Variants in IL1RAPL1 observed in about 807,000 individuals in gnomAD.
IL1RAPL1 encodes interleukin 1 receptor accessory protein like 1.
In IL1RAPL1, 3 loss-of-function variants were observed where a neutral mutation model predicts 48.4. The ratio of observed to expected loss-of-function variants is 0.06; its 90% CI spans 0.03 to 0.16. The LOEUF (loss-of-function observed/expected upper bound fraction) is 0.16. Ranked by LOEUF, IL1RAPL1 falls within the 10% of genes least tolerant of loss-of-function variation. The pLI, the probability that IL1RAPL1 is intolerant of heterozygous loss-of-function variation, is 1.00. For missense variants in IL1RAPL1, 349 were observed against 530.6 expected (o/e 0.66, Z 3.36); for synonymous variants, 185 against 187.7 (o/e 0.99, Z 0.12).
intron 2 of IL1RAPL1, among the ~76,000 whole-genome samples, chrX:28,863,685 G>A (rs181887654): frequency 9.0e-6 from 1 of 111,420 alleles, no homozygotes; most frequent in East Asian, 2.8e-4. Context: ...ACTATACCTA[G>A]ATTTCAATTT....
chrX:28,889,222 T>G (rs1320669638), intron 2 of IL1RAPL1, among the ~76,000 whole-genome samples: 1 of 111,470 alleles, frequency 9.0e-6, no homozygotes, highest in Non-Finnish European at 1.9e-5. Flanking sequence ...TGCCTATACA[T>G]ATTAGACTAT....
intron 8 of IL1RAPL1, among the ~76,000 whole-genome samples, chrX:29,934,558 A>G (rs1261301867): frequency 1.8e-5 from 2 of 112,403 alleles, no homozygotes; most frequent in Non-Finnish European, 3.8e-5. Context: ...TGCAGATATT[A>G]TAGAAAATTA....
At chrX:29,055,751 CAT>C (rs1927199339) in intron 2 of IL1RAPL1, among the ~76,000 whole-genome samples, 1 of 111,663 alleles carries the variant, frequency 9.0e-6, no homozygotes, top group South Asian at 3.7e-4. Flanking sequence ...TGACATGAAA[CAT>C]ACATTAAATT....
chrX:29,806,227 G>A (rs1930253079), intron 6 of IL1RAPL1, among the ~76,000 whole-genome samples: 1 of 111,090 alleles, frequency 9.0e-6, no homozygotes, highest in African/African-American at 3.3e-5. Context: ...GTGCACGCGT[G>A]CACACACACA....
chrX:29,216,699 G>T (rs969063961), intron 2 of IL1RAPL1, among the ~76,000 whole-genome samples: 1 of 111,705 alleles, frequency 9.0e-6, no homozygotes, highest in Non-Finnish European at 1.9e-5. Flanking sequence ...GGGTGGCAAA[G>T]GTTAAGATTT....
At chrX:28,633,091 G>T (rs1030782256) in intron 1 of IL1RAPL1, among the ~76,000 whole-genome samples, 2 of 110,543 alleles carry the variant, frequency 1.8e-5, no homozygotes, top group Non-Finnish European at 3.8e-5. Flanking sequence ...TTTTCGCCAT[G>T]TTGGCCAGAA....
rs192790474 is a variant in IL1RAPL1 at position 29,803,347 on chromosome X, A to G, written c.779-114117A>G. On this transcript the variant is annotated intron_variant, in intron 6 of 10. Coordinates refer to ENST00000378993, the MANE Select transcript of IL1RAPL1 (RefSeq NM_014271.4). Reference sequence around the variant, plus strand: ...TATACATGTATACACATATGTATATATGTATACATGTATACACATATGTAT... The same window carrying G: ...TATACATGTATACACATATGTATATGTGTATACATGTATACACATATGTAT... Among the ~76,000 whole-genome samples, 184 of 72,932 alleles carry G rather than the reference A, an allele frequency of 2.5e-3. 2 individuals carry two copies. The highest frequency in any genetic ancestry group is 3.4e-3 in the Non-Finnish European group (123 of 36,185). The allele number at this position is 72,932 out of a possible 115,157, so 63.3% of individuals were successfully genotyped here.
At chrX:28,861,353 G>A (rs1350617934) in intron 2 of IL1RAPL1, among the ~76,000 whole-genome samples, 1 of 112,061 alleles carries the variant, frequency 8.9e-6, no homozygotes, top group African/African-American at 3.2e-5. Context: ...GACTGTCCCA[G>A]TAGTTACAAG....
Position 29,463,927 on chromosome X carries a change from C to T in IL1RAPL1, c.703+64619C>T, listed in dbSNP as rs184793607. Among the ~76,000 whole-genome samples, 23 of 111,397 alleles carry T rather than the reference C, an allele frequency of 2.1e-4. No homozygotes were observed. The East Asian group carries it at 4.5e-3, about 22-fold the overall frequency. ...CCGACACTACCGACCAACAGTTAGC[C>T]TCCACTTCCAGCCCTGTGAGTGAGT... On this transcript the variant is annotated intron_variant, in intron 5 of 10. Coordinates refer to ENST00000378993, the MANE Select transcript of IL1RAPL1 (RefSeq NM_014271.4).
chrX:29,437,527 C>T (rs959920584), intron 5 of IL1RAPL1, among the ~76,000 whole-genome samples: 4 of 110,587 alleles, frequency 3.6e-5, no homozygotes, highest in African/African-American at 1.3e-4. Flanking sequence ...TGCTCTTTCA[C>T]CATTAAATAG....
intron 6 of IL1RAPL1, among the ~76,000 whole-genome samples, chrX:29,736,883 A>C (rs1432126631): frequency 8.9e-6 from 1 of 111,864 alleles, no homozygotes; most frequent in Non-Finnish European, 1.9e-5. Context: ...TGCTTAAAAA[A>C]TATGCACGTA....
In IL1RAPL1 at chrX:29,733,588, A is replaced by C. The variant is rs765124768; in HGVS notation, c.778+65084A>C. On this transcript the variant is annotated intron_variant, in intron 6 of 10. Transcript: ENST00000378993. ...CAGCAAATAACCTGCAGCTTTATTT[A>C]ATACAAATCAGATCATATTAAATAT... 4.4e-5 allele frequency among the ~76,000 whole-genome samples: 5 copies of C among 112,430 alleles called. No homozygotes were observed. In the South Asian group the frequency reaches 1.1e-3, roughly 25 times the overall value.
At chrX:29,180,470 G>A (rs911926731) in intron 2 of IL1RAPL1, among the ~76,000 whole-genome samples, 3 of 109,259 alleles carry the variant, frequency 2.7e-5, no homozygotes, top group South Asian at 4.1e-4. Flanking sequence ...TCCACCTCCC[G>A]GGTTCAAGCA....
intron 2 of IL1RAPL1, among the ~76,000 whole-genome samples, chrX:29,213,357 T>C (rs1159862973): frequency 3.6e-5 from 4 of 112,633 alleles, no homozygotes; most frequent in African/African-American, 1.3e-4. Flanking sequence ...ATCTCTTGTC[T>C]CAATTACTGC....
Position 29,644,116 on chromosome X carries a change from C to T in IL1RAPL1, c.704-24314C>T, listed in dbSNP as rs573369953. On this transcript the variant is annotated intron_variant, in intron 5 of 10. Transcript: ENST00000378993. Reference sequence around the variant, plus strand: ...CTGACTCTAAAGTCTTTGTTCTTTCCATTGCAAATAAAGAAGACAAAGAAG... The same window carrying T: ...CTGACTCTAAAGTCTTTGTTCTTTCTATTGCAAATAAAGAAGACAAAGAAG... Among the ~76,000 whole-genome samples, 22 of 111,989 alleles carry T rather than the reference C, an allele frequency of 2.0e-4. No individual in the cohort carries two copies. The South Asian group carries it at 7.9e-3, about 40-fold the overall frequency.
chrX:29,115,630 C>G (rs1928663784), intron 2 of IL1RAPL1, among the ~76,000 whole-genome samples: 1 of 109,109 alleles, frequency 9.2e-6, no homozygotes, highest in Non-Finnish European at 1.9e-5. Context: ...TCTCTCTCTC[C>G]CTTATAAAAA....
At chrX:28,791,725 A>C (rs1936541033) in intron 2 of IL1RAPL1, among the ~76,000 whole-genome samples, 1 of 111,931 alleles carries the variant, frequency 8.9e-6, no homozygotes, top group Non-Finnish European at 1.9e-5. Context: ...CTATATTAAG[A>C]TCCAGATGGA....
chrX:29,582,056 T>A (rs1922980080), intron 5 of IL1RAPL1, among the ~76,000 whole-genome samples: 1 of 111,880 alleles, frequency 8.9e-6, no homozygotes, highest in Non-Finnish European at 1.9e-5. Context: ...GAACCCATGA[T>A]ATGATTAGTG....
At position 28,938,113 on chromosome X, in the gene IL1RAPL1, A is replaced by G. The variant is rs192475852; in HGVS notation, c.82+148688A>G. The stretch of plus-strand genomic sequence containing the variant: ...CTATCCAAAGCAATTTACAGATTCA[A>G]TGCTATTCCTATCAAACTAACAATG... On this transcript the variant is annotated intron_variant, in intron 2 of 10. Coordinates refer to ENST00000378993, the MANE Select transcript of IL1RAPL1 (RefSeq NM_014271.4). 3.5e-3 allele frequency among the ~76,000 whole-genome samples: 390 copies of G among 111,761 alleles called. 3 individuals carry two copies. Among genetic ancestry groups the G allele is most frequent in the African/African-American group, 0.012 (359 of 30,787 alleles).
Sources: allele counts gnomAD v4.1 joint callset (sites outside exome capture counted in the v4.1 genomes callset), GRCh38; gene constraint gnomAD v4.1.1; transcripts MANE v1.5; gene names NCBI Gene and HGNC (gene_info 2026-07-23, HGNC 2026-07-21).